The following NTMT1 variants were observed in gnomAD, a reference collection of about 807,000 sequenced individuals.
NTMT1 encodes the protein N-terminal Xaa-Pro-Lys N-methyltransferase 1.
In NTMT1, 8 loss-of-function variants were observed where a neutral mutation model predicts 17.5. That is an observed-to-expected ratio of 0.46 (90% CI 0.27 to 0.82). The LOEUF (loss-of-function observed/expected upper bound fraction) is 0.82, where lower values mean the gene tolerates loss of function less well. NTMT1 is among the 40% of genes least tolerant of loss of function. The pLI, the probability that NTMT1 is intolerant of heterozygous loss-of-function variation, is 0.15. For synonymous variants in NTMT1, 128 were observed against 126.8 expected (o/e 1.01, Z -0.06); for missense variants, 221 against 303.5 (o/e 0.73, Z 2.02).
chr9:129,619,632 G>A (rs775135256), intron 1 of NTMT1: 4 of 1,613,960 alleles, frequency 2.5e-6, no homozygotes, highest in South Asian at 2.2e-5. Context: ...TGCGATGACT[G>A]GCCCCTTAAA....
chr9:129,624,073 C>T (rs371487194), upstream of NTMT1, among the ~76,000 whole-genome samples: 14 of 152,172 alleles, frequency 9.2e-5, no homozygotes, highest in South Asian at 4.2e-4. Context: ...AGATTACAGG[C>T]GTGAGCCACT....
chr9:129,633,248 G>T (rs1342200234), intron 2 of NTMT1: 3 of 383,166 alleles, frequency 7.8e-6, no homozygotes, highest in Non-Finnish European at 1.4e-5. Flanking sequence ...TCCACCCTCT[G>T]CTCCACCCCC....
At chr9:129,621,562 G>C (rs1209267220), upstream of NTMT1, among the ~76,000 whole-genome samples, 1 of 152,102 alleles carries the variant, frequency 6.6e-6, no homozygotes, top group African/African-American at 2.4e-5. Flanking sequence ...GAATTTTTTT[G>C]TATTTATGTT....
chr9:129,617,276 G>C (rs1830439062), intron 1 of NTMT1, among the ~76,000 whole-genome samples: 1 of 152,196 alleles, frequency 6.6e-6, no homozygotes, highest in Non-Finnish European at 1.5e-5. Context: ...CAAGCAGTTG[G>C]GAGGTGTCAG....
upstream of NTMT1, among the ~76,000 whole-genome samples, chr9:129,622,732 CA>C (rs1034770868): frequency 1.0e-4 from 15 of 146,910 alleles, no homozygotes; most frequent in South Asian, 2.2e-4. Flanking sequence ...CTCTGTCTCA[CA>C]AAAAAAAAAG....
At chr9:129,617,746 C>T (rs933704600) in intron 1 of NTMT1, among the ~76,000 whole-genome samples, 4 of 152,104 alleles carry the variant, frequency 2.6e-5, no homozygotes, top group South Asian at 2.1e-4. Flanking sequence ...TGCAGTGGCA[C>T]GATCTTGGCT....
rs201998020 is a variant in NTMT1, at chr9:129,632,659, G to A, written c.-45G>A. The stretch of plus-strand genomic sequence containing the variant: ...CCCCTTCCTTACCCAGGAGAGTCGC[G>A]GTTGCTGATCGTGGTGCTTGAGTAG... On this transcript the variant is annotated 5_prime_UTR_variant, in exon 2 of 4. Coordinates refer to ENST00000372483, the MANE Select transcript of NTMT1 (RefSeq NM_014064.4). 915 of 1,607,406 alleles carry A rather than the reference G, an allele frequency of 5.7e-4. No individual in the cohort carries two copies. Among genetic ancestry groups the A allele is most frequent in the Non-Finnish European group, 7.1e-4 (832 of 1,174,926 alleles).
At chr9:129,622,146 G>T (rs138141714), upstream of NTMT1, among the ~76,000 whole-genome samples, 67 of 152,292 alleles carry the variant, frequency 4.4e-4, no homozygotes, top group African/African-American at 1.5e-3. Context: ...GGTGGCTCTG[G>T]AAGTAGAACT....
In NTMT1 at chr9:129,620,121, G is replaced by A. The variant is rs1156865376; in HGVS notation, c.-55+10943G>A. ...TCCTGGAGCTGGTGCAGGAACTCAC[G>A]GAACCTGCTGGGGAGGAGCTCTCCT... is the stretch of plus-strand genomic sequence containing the variant. On this transcript the variant is annotated intron_variant, in intron 1 of 3. Coordinates refer to the NTMT1 transcript ENST00000372486. This position sits in a 1 kb window ranked among gnomAD's most constrained non-coding sequence, Gnocchi z 5.8. 4.1e-5 allele frequency: 59 copies of A among 1,454,514 alleles called. No individual in the cohort carries two copies. Among genetic ancestry groups the A allele is most frequent in the Non-Finnish European group, 5.2e-5 (57 of 1,101,736 alleles). 90.1% of individuals were successfully genotyped at this position (1,454,514 alleles called of 1,614,324 possible). A position where few individuals can be genotyped will look rare whatever the true frequency, so the allele number is the denominator to read the frequency against.
chr9:129,622,975 G>A (rs1426502365), upstream of NTMT1, among the ~76,000 whole-genome samples: 4 of 151,852 alleles, frequency 2.6e-5, no homozygotes, highest in Admixed American at 2.0e-4. Context: ...GTTGCAGTGA[G>A]CCGAGATCAC....
intron 2 of NTMT1, chr9:129,633,766 G>A (rs1344101986): frequency 6.7e-6 from 2 of 296,878 alleles, no homozygotes; most frequent in East Asian, 6.1e-5. Context: ...CCAGGAGTTC[G>A]AGGCTACAGT....
At position 129,635,670 on chromosome 9, in the gene NTMT1, C is replaced by G; in HGVS notation, c.*206C>G. 1 of 618,788 alleles carries G rather than the reference C, an allele frequency of 1.6e-6. No homozygotes were observed. 38.3% of individuals were successfully genotyped at this position (618,788 alleles called of 1,614,324 possible). A position where few individuals can be genotyped will look rare whatever the true frequency, so the allele number is the denominator to read the frequency against. Reference sequence around the variant, plus strand: ...GGGTGCTGCTGAACCAGCGGTGAGGCAGGAGCCCAGACCCTGCTCTCCTGC... The same window carrying G: ...GGGTGCTGCTGAACCAGCGGTGAGGGAGGAGCCCAGACCCTGCTCTCCTGC... On this transcript the variant is annotated 3_prime_UTR_variant, in exon 4 of 4. Transcript: ENST00000372483.
At chr9:129,628,142 T>C (rs57920472) in intron 1 of NTMT1, among the ~76,000 whole-genome samples, 7,221 of 152,314 alleles carry the variant, frequency 0.047, 207 homozygotes, top group South Asian at 0.094. Context: ...ATACGGCATC[T>C]GTGCTCTGGA....
At chr9:129,623,659 A>G (rs1185685587), upstream of NTMT1, among the ~76,000 whole-genome samples, 1 of 151,964 alleles carries the variant, frequency 6.6e-6, no homozygotes, top group East Asian at 1.9e-4. Context: ...GATATATTCT[A>G]TTTTCTGTCA....
At chr9:129,628,334 A>C (rs762327899) in intron 1 of NTMT1, among the ~76,000 whole-genome samples, 2 of 152,142 alleles carry the variant, frequency 1.3e-5, no homozygotes, top group Non-Finnish European at 2.9e-5. Context: ...CAGGCTTGCT[A>C]TTTCCCGGCC....
Position 129,613,273 on chromosome 9 carries a change from G to A in NTMT1, c.-55+4095G>A, listed in dbSNP as rs1405573487. 1 of 1,587,022 alleles carries A rather than the reference G, an allele frequency of 6.3e-7. No individual in the cohort carries two copies. The highest frequency in any genetic ancestry group is 8.6e-7 in the Non-Finnish European group (1 of 1,164,518). ...GGACCTGGGGGAGACAGGACCCCAT[G>A]AGCTTCCTGGACTCTGAGTCCCCGG... On this transcript the variant is annotated intron_variant, in intron 1 of 3. Transcript: ENST00000372486. The surrounding 1 kb of genome is among the most constrained non-coding windows in gnomAD (Gnocchi z 6.2).
At chr9:129,611,415 C>T (rs1830112873) in intron 1 of NTMT1, among the ~76,000 whole-genome samples, 1 of 152,222 alleles carries the variant, frequency 6.6e-6, no homozygotes, top group Non-Finnish European at 1.5e-5. Context: ...CCTCCTGATG[C>T]AGATTTGAAC....
intron 1 of NTMT1, among the ~76,000 whole-genome samples, chr9:129,616,505 C>T (rs796353193): frequency 1.3e-5 from 2 of 152,174 alleles, no homozygotes; most frequent in African/African-American, 2.4e-5. Flanking sequence ...CATGAGCCAC[C>T]GCCCGCCCGC....
chr9:129,626,077 CGG>C (rs1449442231), upstream of NTMT1: 18 of 151,978 alleles, frequency 1.2e-4, no homozygotes, highest in Admixed American at 1.2e-3. Context: ...GGAGCCCGCG[CGG>C]GGGAGGGGCG....
Sources: gnomAD v4.1 joint callset for allele counts (sites outside exome capture counted in the v4.1 genomes callset) on GRCh38, gnomAD v4.1.1 for gene constraint, Gnocchi (gnomAD v3.1) non-coding constraint, MANE v1.5 for transcripts, NCBI Gene and HGNC (gene_info 2026-07-23, HGNC 2026-07-21) for gene names.